The following PHF3 variants were observed in gnomAD, a reference collection of about 807,000 sequenced individuals.
PHF3 encodes the protein PHD finger protein 3.
PHF3 carries 41 observed loss-of-function variants against 178.4 expected under a neutral mutation model. The observed-to-expected ratio is 0.23, with a 90% CI of 0.18 to 0.30. The LOEUF is 0.30. Ranked by LOEUF, PHF3 falls within the 10% of genes least tolerant of loss-of-function variation. PHF3 has a pLI of 1.00. For missense variants in PHF3, 2,346 were observed against 2,398.1 expected, an observed-to-expected ratio of 0.98 and a Z score of 0.45; for synonymous variants, 842 against 800.5, an observed-to-expected ratio of 1.05 and a Z score of -0.88.
intron 9 of PHF3, 150 bp downstream of exon 9, chr6:63,700,616 G>T: frequency 4.0e-6 from 2 of 502,690 alleles, no homozygotes; most frequent in African/African-American, 4.0e-5. Flanking sequence ...ATGGCGTCTA[G>T]CTCATTCGCC....
intron 4 of PHF3, among the ~76,000 whole-genome samples, chr6:63,689,922 G>A (rs1766922541): frequency 6.6e-6 from 1 of 152,158 alleles, no homozygotes; most frequent in Non-Finnish European, 1.5e-5. Flanking sequence ...GAAGTAAAGG[G>A]AAATCATTAG....
intron 1 of PHF3, among the ~76,000 whole-genome samples, chr6:63,639,515 C>G (rs1342487767): frequency 6.6e-6 from 1 of 151,800 alleles, no homozygotes. Context: ...ACTTTTGTTT[C>G]TAGCATTTTT....
intron 11 of PHF3, among the ~76,000 whole-genome samples, chr6:63,705,490 A>T (rs1429071661): frequency 6.6e-6 from 1 of 152,232 alleles, no homozygotes; most frequent in Non-Finnish European, 1.5e-5. Context: ...TGTGAACTGC[A>T]CATGTGAAGG....
chr6:63,675,829 A>G (rs1766140665), intron 2 of PHF3, among the ~76,000 whole-genome samples: 1 of 151,942 alleles, frequency 6.6e-6, no homozygotes. Flanking sequence ...CCTTCTCTTC[A>G]CTTTCCTCCA....
chr6:63,687,018 T>C (rs553659733), intron 4 of PHF3, among the ~76,000 whole-genome samples: 1 of 152,352 alleles, frequency 6.6e-6, no homozygotes, highest in South Asian at 2.1e-4. Context: ...CGTCAAGGGT[T>C]AGTTTATAAC....
chr6:63,685,753 C>G lies in PHF3; in HGVS notation c.2031C>G (p.Ser677Arg), dbSNP rs376775764. The change falls in exon 4 of 16, where the codon AGC (serine) becomes AGG (arginine). Residue 677 changes from serine to arginine, a missense_variant. Ser to Arg is a moderately radical substitution (Grantham distance 110, BLOSUM62 -1). Around this residue, in one of 8 missense-constraint regions of PHF3, gnomAD observed 843 missense variants for 795.2 expected, o/e 1.06. Transcript: ENST00000262043. ...EKNLQPRQRRSSKSFSLDEPP... is the reference protein window; with the variant it reads ...EKNLQPRQRRRSKSFSLDEPP... ...ACCTACAACCCCGCCAAAGAAGAAG[C>G]AGCAAAAGTTTTTCTTTAGATGAGC... The G allele has an allele frequency of 1.6e-5, 26 of 1,613,966 alleles. No individual in the cohort carries two copies. Among genetic ancestry groups the G allele is most frequent in the Non-Finnish European group, 2.1e-5 (25 of 1,180,022 alleles).
At chr6:63,672,252 T>C (rs1041615441) in intron 2 of PHF3, among the ~76,000 whole-genome samples, 3 of 152,240 alleles carry the variant, frequency 2.0e-5, no homozygotes, top group Admixed American at 2.0e-4. Context: ...ATCTAAGAAA[T>C]AAAAATAATA....
intron 5 of PHF3, 98 bp from the exon 6 acceptor site, chr6:63,694,483 C>A: frequency 1.2e-6 from 1 of 827,818 alleles, no homozygotes; most frequent in Non-Finnish European, 1.8e-6. Context: ...AAGAGTGAAT[C>A]TCATTTTACT....
chr6:63,674,447 C>T (rs1274177735), intron 2 of PHF3, among the ~76,000 whole-genome samples: 2 of 151,318 alleles, frequency 1.3e-5, no homozygotes, highest in African/African-American at 2.4e-5. Flanking sequence ...AAATTAAGAA[C>T]ATGATAATAT....
At chr6:63,709,994 G>T (rs185575248) in intron 14 of PHF3, among the ~76,000 whole-genome samples, 4 of 152,000 alleles carry the variant, frequency 2.6e-5, no homozygotes, top group African/African-American at 9.7e-5. Flanking sequence ...TTCCCTCCAC[G>T]GGATGTGATA....
At chr6:63,650,696 T>G (rs760929801) in intron 2 of PHF3, among the ~76,000 whole-genome samples, 3 of 152,206 alleles carry the variant, frequency 2.0e-5, no homozygotes. Flanking sequence ...CACTAGACAA[T>G]TCATCTATGT....
intron 2 of PHF3, among the ~76,000 whole-genome samples, chr6:63,658,558 T>C (rs115169785): frequency 0.012 from 1,794 of 152,264 alleles, 30 homozygotes; most frequent in African/African-American, 0.041. Context: ...GTTACCTTGA[T>C]GTTTATTTCT....
At chr6:63,672,424 A>G (rs1208687974) in intron 2 of PHF3, among the ~76,000 whole-genome samples, 3 of 152,234 alleles carry the variant, frequency 2.0e-5, no homozygotes, top group Non-Finnish European at 4.4e-5. Context: ...CACATAGGGC[A>G]GACAGAGCTA....
At chr6:63,675,906 T>A (rs1419994201) in intron 2 of PHF3, among the ~76,000 whole-genome samples, 1 of 152,242 alleles carries the variant, frequency 6.6e-6, no homozygotes, top group Non-Finnish European at 1.5e-5. Context: ...CCTTCTCATC[T>A]GATTCTCTGC....
At chr6:63,661,759 G>A (rs183587196) in intron 2 of PHF3, among the ~76,000 whole-genome samples, 2 of 152,200 alleles carry the variant, frequency 1.3e-5, no homozygotes, top group Non-Finnish European at 2.9e-5. Flanking sequence ...TGTTGAGAAT[G>A]TAATTAGCCT....
chr6:63,651,141 G>C (rs1765003254), intron 2 of PHF3, among the ~76,000 whole-genome samples: 1 of 151,654 alleles, frequency 6.6e-6, no homozygotes, highest in African/African-American at 2.4e-5. Flanking sequence ...GTATTTGTGG[G>C]GTACAGTAAT....
At position 63,721,617 on chromosome 6, in the gene PHF3, G is replaced by A. The variant is rs752557263; in HGVS notation, c.*7909G>A. 1.3e-6 allele frequency: 2 copies of A among 1,551,194 alleles called. No homozygotes were observed. Among genetic ancestry groups the A allele is most frequent in the Admixed American group, 3.9e-5 (2 of 50,966 alleles). On this transcript the variant is annotated 3_prime_UTR_variant, in exon 16 of 16. Transcript: ENST00000262043. ...ACTCATTTTAGTGGAGGCCTTTTCT[G>A]TTACATTTATCCCATCTAGATCCAG...
intron 2 of PHF3, among the ~76,000 whole-genome samples, chr6:63,658,826 A>G (rs1765348609): frequency 6.6e-6 from 1 of 151,410 alleles, no homozygotes; most frequent in Non-Finnish European, 1.5e-5. Flanking sequence ...GATTGTGGAG[A>G]CTGGCTGGCA....
At chr6:63,659,698 C>G (rs1187720012) in intron 2 of PHF3, among the ~76,000 whole-genome samples, 2 of 152,110 alleles carry the variant, frequency 1.3e-5, no homozygotes, top group Non-Finnish European at 2.9e-5. Context: ...GTTCAGCAAG[C>G]CAGCCTAATC....
Sources: allele counts gnomAD v4.1 joint callset (sites outside exome capture counted in the v4.1 genomes callset), GRCh38; gene constraint gnomAD v4.1.1; regional missense constraint gnomAD v4.1.1; transcripts MANE v1.5; gene names NCBI Gene and HGNC (gene_info 2026-07-23, HGNC 2026-07-21).